KRT6C: variants seen among roughly 807,000 people sequenced by gnomAD.
KRT6C encodes keratin 6C, also known as keratin, type II cytoskeletal 6C.
KRT6C carries 46 observed loss-of-function variants against 49.4 expected under a neutral mutation model. The ratio of observed to expected loss-of-function variants is 0.93; its 90% CI spans 0.74 to 1.19. KRT6C has a LOEUF of 1.19. Ranked by LOEUF, KRT6C falls within the 50% of genes most tolerant of loss-of-function variation. The pLI is 0.00. For synonymous variants in KRT6C, 236 were observed against 297.1 expected (o/e 0.79, Z 2.12); for missense variants, 552 against 737.5 (o/e 0.75, Z 2.91).
chr12:52,473,159 A>G, intron 1 of KRT6C, 39 bp downstream of exon 1: 1 of 1,399,446 alleles, frequency 7.1e-7, no homozygotes, highest in Non-Finnish European at 1.0e-6. Flanking sequence ...TGGTCTGGGG[A>G]CCCTGAAGTG....
intron 6 of KRT6C, chr12:52,470,297 G>A: frequency 1.2e-6 from 1 of 830,160 alleles, no homozygotes. Flanking sequence ...CCTGACTGTT[G>A]AGACCTGGCC....
Position 52,469,690 on chromosome 12 carries a change from C to T in KRT6C, c.1404G>A (p.Leu468=), listed in dbSNP as rs1228392447. Reference sequence around the variant, plus strand: ...CCTACCTGCACTCCTCGCCCTCCAGCAGCTTGCGGTAGGTGGCGATCTCCA... The same window carrying T: ...CCTACCTGCACTCCTCGCCCTCCAGTAGCTTGCGGTAGGTGGCGATCTCCA... ...LDVEIATYRK[L]LEGEECRLNG... Residue 468 remains leucine (L), a synonymous_variant, in exon 7 of 9, where the codon CTG becomes CTA. Transcript: ENST00000252250. The T allele has an allele frequency of 6.2e-7, 1 of 1,614,056 alleles. No homozygotes were observed. Among genetic ancestry groups the T allele is most frequent in the African/African-American group, 1.3e-5 (1 of 74,928 alleles).
chr12:52,472,457 C>A (rs574857586), intron 1 of KRT6C, among the ~76,000 whole-genome samples, 177 bp from the exon 2 acceptor site: 5 of 135,366 alleles, frequency 3.7e-5, no homozygotes, highest in African/African-American at 7.4e-5. Context: ...CCCCACCAGT[C>A]TCACTAGAGA....
chr12:52,473,753 G>A lies in KRT6C; in HGVS notation c.-16C>T, dbSNP rs751678221. On this transcript the variant is annotated 5_prime_UTR_variant, in exon 1 of 9. Coordinates refer to ENST00000252250, the MANE Select transcript of KRT6C (RefSeq NM_173086.5). ...TGCTGGCCATGGTTCCAGGAGATGA[G>A]AGGGCTGTGGCGAGCGTTGGAGGCT... is the stretch of plus-strand genomic sequence containing the variant. 1 of 1,614,028 alleles carries A rather than the reference G, an allele frequency of 6.2e-7. No individual in the cohort carries two copies. The highest frequency in any genetic ancestry group is 8.5e-7 in the Non-Finnish European group (1 of 1,180,058).
chr12:52,470,641 G>C lies in KRT6C; in HGVS notation c.1078-11C>G. On this transcript the variant is annotated splice_polypyrimidine_tract_variant and intron_variant, in intron 5 of 8. Transcript: ENST00000252250. ...CTGCAGCTCCTCGTACTGCAGCCCA[G>C]AGGTGGAGAGAGAGACAGTGTCTAC... 6.2e-7 allele frequency: 1 copy of C among 1,610,254 alleles called. No individual in the cohort carries two copies. The highest frequency in any genetic ancestry group is 1.1e-5 in the South Asian group (1 of 90,622).
chr12:52,473,282 A>C lies in KRT6C; in HGVS notation c.456T>G (p.Ile152Met), dbSNP rs547266639. ...QSLLTPLNLQIDPAIQRVRAE... is the reference protein window; with the variant it reads ...QSLLTPLNLQMDPAIQRVRAE... Reference sequence around the variant, plus strand: ...CCCGCACCCGCTGGATGGCGGGGTCAATTTGCAGGTTGAGGGGAGTCAGGA... The same window carrying C: ...CCCGCACCCGCTGGATGGCGGGGTCCATTTGCAGGTTGAGGGGAGTCAGGA... The change falls in exon 1 of 9, where the codon ATT becomes ATG. Residue 152 changes from isoleucine to methionine, a missense_variant. Around this residue, in one of 3 missense-constraint regions of KRT6C, gnomAD observed 54 missense variants for 195.9 expected, o/e 0.28. Coordinates refer to ENST00000252250, the MANE Select transcript of KRT6C (RefSeq NM_173086.5). 7.2e-7 allele frequency: 1 copy of C among 1,395,866 alleles called. No homozygotes were observed. Among genetic ancestry groups the C allele is most frequent in the Admixed American group, 1.9e-5 (1 of 53,904 alleles). 86.5% of individuals were successfully genotyped at this position (1,395,866 alleles called of 1,614,324 possible). A position where few individuals can be genotyped will look rare whatever the true frequency, so the allele number is the denominator to read the frequency against.
chr12:52,469,628 A>G, intron 7 of KRT6C, 42 bp downstream of exon 7: 1 of 1,614,158 alleles, frequency 6.2e-7, no homozygotes, highest in Admixed American at 1.7e-5. Flanking sequence ...GGAACCTTGA[A>G]GATGGACTCA....
chr12:52,473,004 G>A (rs573214956), intron 1 of KRT6C, among the ~76,000 whole-genome samples, 194 bp downstream of exon 1: 10 of 150,324 alleles, frequency 6.7e-5, no homozygotes, highest in Non-Finnish European at 1.5e-4. Context: ...CAGGAGTGAG[G>A]GCCACTCCAG....
chr12:52,469,263 G>GCCC lies in KRT6C; in HGVS notation c.1493_1494insGGG (p.Gly499dup). 6.2e-7 allele frequency: 1 copy of GCCC among 1,613,948 alleles called. No individual in the cohort carries two copies. The highest frequency in any genetic ancestry group is 1.7e-5 in the Admixed American group (1 of 60,016). Reference sequence around the variant, plus strand: ...AGCCACTGCCGACACCGCTGGCACCGCCATAGCCACTGGAGATGGTGGACT... The same window carrying GCCC: ...AGCCACTGCCGACACCGCTGGCACCGCCCCCATAGCCACTGGAGATGGTGGACT... On this transcript the variant is annotated inframe_insertion, in exon 9 of 9. Transcript: ENST00000252250.
rs2121517849 is a variant in KRT6C at position 52,470,500 on chromosome 12, T to C, written c.1203+5A>G. ...GCTTCTTTCCTCCACTGCACCTCAC[T>C]GTACCTGCTTCTTGACATGGTCGAT... is the stretch of plus-strand genomic sequence containing the variant. On this transcript the variant is annotated splice_donor_5th_base_variant and intron_variant, in intron 6 of 8. Coordinates refer to ENST00000252250, the MANE Select transcript of KRT6C (RefSeq NM_173086.5). 1.9e-6 allele frequency: 3 copies of C among 1,614,202 alleles called. No homozygotes were observed. Among genetic ancestry groups the C allele is most frequent in the South Asian group, 1.1e-5 (1 of 91,080 alleles).
rs768417983 is a variant in KRT6C, at chr12:52,469,151, C to G, written c.1606G>C (p.Gly536Arg). ...CCTCCAACAGAGCTGAGGCCACCCC[C>G]AATGGCTCTGCCACTGCTGGAACTG... ...GFSSSSGRAI[G>R]GGLSSVGGGS... Residue 536 changes from glycine (G) to arginine (R), a missense_variant, in exon 9 of 9, where the codon GGG becomes CGG. Around this residue, in one of 3 missense-constraint regions of KRT6C, gnomAD observed 425 missense variants for 439.4 expected, o/e 0.97. Transcript: ENST00000252250. 1 of 1,614,046 alleles carries G rather than the reference C, an allele frequency of 6.2e-7. No individual in the cohort carries two copies. Among genetic ancestry groups the G allele is most frequent in the Non-Finnish European group, 8.5e-7 (1 of 1,179,902 alleles).
intron 6 of KRT6C, 21 bp downstream of exon 6, chr12:52,470,484 C>T (rs1334084540): frequency 1.2e-6 from 2 of 1,614,130 alleles, no homozygotes; most frequent in Non-Finnish European, 1.7e-6. Flanking sequence ...TGCTTCTTTC[C>T]TCCACTGCAC....
At chr12:52,471,327 C>T (rs1213591798) in intron 4 of KRT6C, 31 bp from the exon 5 acceptor site, 6 of 1,614,204 alleles carry the variant, frequency 3.7e-6, no homozygotes, top group Non-Finnish European at 4.2e-6. Context: ...AGATCAACTT[C>T]ACATCTGACA....
Position 52,473,767 on chromosome 12 carries a change from G to A in KRT6C, c.-30C>T, listed in dbSNP as rs768283746. 8.1e-6 allele frequency: 13 copies of A among 1,613,998 alleles called. No homozygotes were observed. The highest frequency in any genetic ancestry group is 1.7e-5 in the Admixed American group (1 of 60,008). On this transcript the variant is annotated 5_prime_UTR_variant, in exon 1 of 9. Transcript: ENST00000252250. ...CCAGGAGATGAGAGGGCTGTGGCGA[G>A]CGTTGGAGGCTGGAGGCGAGAGGCA...
chr12:52,469,267 T>C lies in KRT6C; in HGVS notation c.1490A>G (p.Tyr497Cys). Reference protein sequence around the residue: ...SVVQSTISSGYGGASGVGSGL... With the variant: ...SVVQSTISSGCGGASGVGSGL... ...ACTGCCGACACCGCTGGCACCGCCATAGCCACTGGAGATGGTGGACTGTAC... is the reference window on the plus strand; with the variant it reads ...ACTGCCGACACCGCTGGCACCGCCACAGCCACTGGAGATGGTGGACTGTAC... The change falls in exon 9 of 9, where the codon TAT becomes TGT. Residue 497 changes from tyrosine (Y) to cysteine (C), a missense_variant. By Grantham distance (194) the Tyr-to-Cys change is radical (BLOSUM62 -2). Around this residue, in one of 3 missense-constraint regions of KRT6C, gnomAD observed 425 missense variants for 439.4 expected, o/e 0.97. Coordinates refer to ENST00000252250, the MANE Select transcript of KRT6C (RefSeq NM_173086.5). 1.2e-6 allele frequency: 2 copies of C among 1,613,932 alleles called. No homozygotes were observed. The highest frequency in any genetic ancestry group is 1.7e-6 in the Non-Finnish European group (2 of 1,179,872).
chr12:52,470,375 C>A, intron 6 of KRT6C, 130 bp downstream of exon 6: 1 of 1,520,392 alleles, frequency 6.6e-7, no homozygotes, highest in East Asian at 2.3e-5. Flanking sequence ...TCACTGAGGG[C>A]AAGAACTACA....
rs371894953 is a variant in KRT6C, at chr12:52,471,187, T to C, written c.1022A>G (p.Tyr341Cys). 6.2e-7 allele frequency: 1 copy of C among 1,614,154 alleles called. No homozygotes were observed. Among genetic ancestry groups the C allele is most frequent in the South Asian group, 1.1e-5 (1 of 91,082 alleles). Residue 341 changes from tyrosine (Y) to cysteine (C), a missense_variant, in exon 5 of 9, where the codon TAC becomes TGC. Transcript: ENST00000252250. ...CCGGCTCCTCTGAGCAATCTCCTCG[T>C]ATTGGGCCTTGACCTCAGCGATGAT... ...DSIIAEVKAQ[Y>C]EEIAQRSRAE...
rs776355024 is a variant in KRT6C at position 52,470,554 on chromosome 12, T to A, written c.1154A>T (p.Asn385Ile). The A allele has an allele frequency of 5.0e-6, 8 of 1,614,160 alleles. 1 individual carries two copies. Among genetic ancestry groups the A allele is most frequent in the Middle Eastern group, 1.6e-4 (1 of 6,062 alleles). The change falls in exon 6 of 9, where the codon AAC (asparagine) becomes ATC (isoleucine). Residue 385 changes from asparagine (N) to isoleucine (I), a missense_variant. Asn to Ile is a moderately radical substitution (Grantham distance 149). Around this residue, in one of 3 missense-constraint regions of KRT6C, gnomAD observed 425 missense variants for 439.4 expected, o/e 0.97. Coordinates refer to ENST00000252250, the MANE Select transcript of KRT6C (RefSeq NM_173086.5). ...AGATCTCAGCCTCTGGATCATGCGG[T>A]TGATCTCAGCAATCTCCTGCTTGGT... ...RNTKQEIAEINRMIQRLRSEI... is the reference protein window; with the variant it reads ...RNTKQEIAEIIRMIQRLRSEI...
At chr12:52,471,342 C>G (rs1937877813) in intron 4 of KRT6C, 46 bp from the exon 5 acceptor site, 1 of 1,614,238 alleles carries the variant, frequency 6.2e-7, no homozygotes, top group Middle Eastern at 1.6e-4. Flanking sequence ...CTGACATTTA[C>G]AGAGATACCC....
Sources: allele counts gnomAD v4.1 joint callset (sites outside exome capture counted in the v4.1 genomes callset), GRCh38; gene constraint gnomAD v4.1.1; regional missense constraint gnomAD v4.1.1; transcripts MANE v1.5; gene names NCBI Gene and HGNC (gene_info 2026-07-23, HGNC 2026-07-21).